The following OLA1 variants were observed in gnomAD, a reference collection of about 807,000 sequenced individuals.
OLA1 encodes the protein obg-like ATPase 1.
In OLA1, 14 loss-of-function variants were observed where a neutral mutation model predicts 48.4. That is an observed-to-expected ratio of 0.29 (90% confidence interval 0.19 to 0.45). OLA1 has a LOEUF of 0.45. Among genes scored for constraint, OLA1 ranks in the 20% least tolerant of loss-of-function variants. The probability of loss-of-function intolerance (pLI) is 1.00; values close to 1 mark genes in which losing one functional copy is unlikely to be tolerated. For missense variants in OLA1, 325 were observed against 467.1 expected, an observed-to-expected ratio of 0.70 and a Z score of 2.80; for synonymous variants, 127 against 150.4, an observed-to-expected ratio of 0.84 and a Z score of 1.14.
chr2:174,090,659 T>C (rs1416414007), intron 7 of OLA1, among the ~76,000 whole-genome samples: 2 of 152,218 alleles, frequency 1.3e-5, no homozygotes, highest in Admixed American at 1.3e-4. Context: ...AGTGGCCATT[T>C]TGTGACCGTA....
intron 4 of OLA1, among the ~76,000 whole-genome samples, chr2:174,184,263 C>G (rs1376066326): frequency 6.6e-6 from 1 of 151,950 alleles, no homozygotes; most frequent in African/African-American, 2.4e-5. Flanking sequence ...GAAACCTGAC[C>G]AACATTACCT....
rs555558028 is a variant in OLA1, at chr2:174,112,348, T to C, written c.728+10832A>G. ...GCTTTTCATTTCCTTAAAATGTGGG[T>C]AATAATGGCACCTACTTTACAAGCT... On this transcript the variant is annotated intron_variant, in intron 7 of 10. Coordinates refer to ENST00000284719, the MANE Select transcript of OLA1 (RefSeq NM_013341.5). 5.9e-5 allele frequency among the ~76,000 whole-genome samples: 9 copies of C among 152,328 alleles called. No individual in the cohort carries two copies. In the South Asian group the frequency reaches 1.9e-3, roughly 32 times the overall value.
intron 7 of OLA1, among the ~76,000 whole-genome samples, chr2:174,115,286 G>A (rs777489133): frequency 6.6e-5 from 10 of 152,108 alleles, no homozygotes; most frequent in African/African-American, 2.4e-5. Context: ...GTTGTACATC[G>A]AGGGGCTTTT....
At chr2:174,129,699 A>T (rs1192612320) in intron 5 of OLA1, among the ~76,000 whole-genome samples, 2 of 152,160 alleles carry the variant, frequency 1.3e-5, no homozygotes, top group Non-Finnish European at 2.9e-5. Flanking sequence ...ATTTTAAAAA[A>T]TTTTAACCAA....
At chr2:174,215,632 C>A (rs1238364154) in intron 4 of OLA1, among the ~76,000 whole-genome samples, 5 of 152,136 alleles carry the variant, frequency 3.3e-5, no homozygotes, top group Admixed American at 2.0e-4. Context: ...TCACTTACTA[C>A]TGTAAAATAT....
At chr2:174,162,738 G>C (rs1393214338) in intron 4 of OLA1, among the ~76,000 whole-genome samples, 1 of 152,146 alleles carries the variant, frequency 6.6e-6, no homozygotes, top group Non-Finnish European at 1.5e-5. Context: ...ACCAAGTACT[G>C]GGGCAGATCA....
At chr2:174,097,786 A>G (rs1685292757) in intron 7 of OLA1, among the ~76,000 whole-genome samples, 1 of 152,086 alleles carries the variant, frequency 6.6e-6, no homozygotes, top group South Asian at 2.1e-4. Flanking sequence ...GTGGATGCGT[A>G]TGACAGAACC....
At chr2:174,130,895 A>G (rs1453844542) in intron 5 of OLA1, among the ~76,000 whole-genome samples, 2 of 152,248 alleles carry the variant, frequency 1.3e-5, no homozygotes, top group African/African-American at 4.8e-5. Context: ...GACAGCCAAC[A>G]ATGCACTCGA....
intron 7 of OLA1, among the ~76,000 whole-genome samples, chr2:174,094,389 T>C (rs1363140916): frequency 6.6e-6 from 1 of 152,202 alleles, no homozygotes; most frequent in East Asian, 1.9e-4. Flanking sequence ...ATGCAATTCT[T>C]TTCAAAATCC....
At chr2:174,234,412 G>T (rs778573680) in intron 2 of OLA1, among the ~76,000 whole-genome samples, 1 of 152,094 alleles carries the variant, frequency 6.6e-6, no homozygotes, top group African/African-American at 2.4e-5. Flanking sequence ...TGGGCCAGGG[G>T]TCAGTGCTCC....
intron 7 of OLA1, among the ~76,000 whole-genome samples, chr2:174,094,977 T>C (rs1685213701): frequency 6.6e-6 from 1 of 152,236 alleles, no homozygotes; most frequent in Non-Finnish European, 1.5e-5. Context: ...TGTGACATGA[T>C]TTCCTTAATT....
chr2:174,219,423 C>CTTTTTTTTTTT (rs372577919), intron 4 of OLA1, among the ~76,000 whole-genome samples: 4 of 94,892 alleles, frequency 4.2e-5, no homozygotes, highest in Non-Finnish European at 5.8e-5. Flanking sequence ...TTTTATTTCC[C>CTTTTTTTTTTT]TTTTTTTTTT....
chr2:174,110,361 A>G (rs1212362184), intron 7 of OLA1, among the ~76,000 whole-genome samples: 2 of 132,138 alleles, frequency 1.5e-5, no homozygotes, highest in African/African-American at 2.9e-5. Flanking sequence ...CATGTTGCCC[A>G]GGCTGGTCTT....
chr2:174,134,884 G>A (rs1009944810), intron 5 of OLA1, among the ~76,000 whole-genome samples: 3 of 152,150 alleles, frequency 2.0e-5, no homozygotes, highest in South Asian at 2.1e-4. Flanking sequence ...GAATGGGGCC[G>A]GGCGTGGTGG....
chr2:174,083,177 A>G (rs1289142225), intron 7 of OLA1, among the ~76,000 whole-genome samples: 2 of 152,154 alleles, frequency 1.3e-5, no homozygotes, highest in East Asian at 3.8e-4. Context: ...ATTCCACTAG[A>G]CTGCTATATT....
Position 174,239,497 on chromosome 2 carries a change from G to A in OLA1, c.101+7218C>T, listed in dbSNP as rs145187610. On this transcript the variant is annotated intron_variant, in intron 2 of 10. Transcript: ENST00000284719. ...CAAATGAGAGCTGTACATAATAACTGGCCAGTACTCTTCAAAAGTGTCAAG... is the reference window on the plus strand; with the variant it reads ...CAAATGAGAGCTGTACATAATAACTAGCCAGTACTCTTCAAAAGTGTCAAG... 3.4e-3 allele frequency among the ~76,000 whole-genome samples: 519 copies of A among 152,016 alleles called. 2 individuals carry two copies. The highest frequency in any genetic ancestry group is 0.012 in the African/African-American group (497 of 41,452).
chr2:174,193,795 AG>A (rs1342973884), intron 4 of OLA1, among the ~76,000 whole-genome samples: 1 of 152,134 alleles, frequency 6.6e-6, no homozygotes, highest in Non-Finnish European at 1.5e-5. Flanking sequence ...CTAACCCAGC[AG>A]CTGTTAATTA....
intron 7 of OLA1, among the ~76,000 whole-genome samples, chr2:174,110,474 T>C (rs1685622794): frequency 6.6e-6 from 1 of 151,596 alleles, no homozygotes; most frequent in South Asian, 2.1e-4. Context: ...AGACAGGGTG[T>C]CACTCTGTCA....
intron 4 of OLA1, among the ~76,000 whole-genome samples, chr2:174,205,109 G>T: frequency 6.6e-6 from 1 of 152,042 alleles, no homozygotes; most frequent in East Asian, 1.9e-4. Context: ...CTTCCTTATT[G>T]GTATATCTTC....
Sources: gnomAD v4.1 joint callset for allele counts (sites outside exome capture counted in the v4.1 genomes callset) on GRCh38, gnomAD v4.1.1 for gene constraint, MANE v1.5 for transcripts, NCBI Gene and HGNC (gene_info 2026-07-23, HGNC 2026-07-21) for gene names.